Variants in MLIP observed in about 807,000 individuals in gnomAD.
MLIP encodes the protein muscular LMNA interacting protein.
Under a neutral mutation model 84.8 loss-of-function variants are expected in MLIP, and 79 were observed. That is an observed-to-expected ratio of 0.93 (90% CI 0.78 to 1.12). The LOEUF is 1.12. Among genes scored for constraint, MLIP ranks in the 50% most tolerant of loss-of-function variants. The probability of loss-of-function intolerance (pLI) is 0.00; values close to 1 mark genes in which losing one functional copy is unlikely to be tolerated. For synonymous variants in MLIP, 504 were observed against 463.0 expected (o/e 1.09, Z -1.14); for missense variants, 1,257 against 1,160.6 (o/e 1.08, Z -1.21).
chr6:54,027,374 TACACACACACACACACACACACAC>T (rs70980886), intron 1 of MLIP, among the ~76,000 whole-genome samples: 49 of 148,618 alleles, frequency 3.3e-4, no homozygotes, highest in Middle Eastern at 3.5e-3. Context: ...ATAAAAAAAA[TACACACACACACACACACACACAC>T]ACACACACAC....
At chr6:54,062,142 A>G (rs998696345) in intron 1 of MLIP, among the ~76,000 whole-genome samples, 2 of 152,222 alleles carry the variant, frequency 1.3e-5, no homozygotes, top group Non-Finnish European at 2.9e-5. Context: ...GACAGTGCGA[A>G]GAGGGATCAG....
At chr6:54,066,046 G>A (rs1489002806) in intron 1 of MLIP, among the ~76,000 whole-genome samples, 3 of 98,664 alleles carry the variant, frequency 3.0e-5, no homozygotes, top group South Asian at 7.1e-4. Flanking sequence ...TATCTTAGGT[G>A]TAGAATCACA....
chr6:54,158,584 T>A lies in MLIP; in HGVS notation c.2290-1783T>A, dbSNP rs1340661. Among the ~76,000 whole-genome samples, 3 of 151,918 alleles carry A rather than the reference T, an allele frequency of 2.0e-5. No homozygotes were observed. In the South Asian group the frequency reaches 6.2e-4, roughly 32 times the overall value. Reference sequence around the variant, plus strand: ...CCTGTTGTAAAATACCTATAATCGATGATCAATTTAAAAATGGATTAAAAA... The same window carrying A: ...CCTGTTGTAAAATACCTATAATCGAAGATCAATTTAAAAATGGATTAAAAA... On this transcript the variant is annotated intron_variant, in intron 5 of 13. Coordinates refer to ENST00000502396, the MANE Select transcript of MLIP (RefSeq NM_001281747.2).
chr6:54,130,387 C>T (rs1389921498), intron 3 of MLIP, among the ~76,000 whole-genome samples: 1 of 152,014 alleles, frequency 6.6e-6, no homozygotes, highest in African/African-American at 2.4e-5. Context: ...AATCAGAGGT[C>T]AGAGGCAATG....
chr6:54,164,440 TA>T (rs1774976595), intron 8 of MLIP, among the ~76,000 whole-genome samples: 1 of 152,002 alleles, frequency 6.6e-6, no homozygotes, highest in Non-Finnish European at 1.5e-5. Flanking sequence ...TTGTTGAAGC[TA>T]ACATAGCTTT....
intron 1 of MLIP, among the ~76,000 whole-genome samples, chr6:54,028,192 T>C (rs1241224160): frequency 6.6e-6 from 1 of 152,208 alleles, no homozygotes; most frequent in Admixed American, 6.5e-5. Context: ...ATTTATAACC[T>C]AAAAATTTCT....
chr6:54,086,863 G>T (rs367807404), intron 1 of MLIP, among the ~76,000 whole-genome samples: 1 of 152,092 alleles, frequency 6.6e-6, no homozygotes, highest in Non-Finnish European at 1.5e-5. Context: ...CTCCAAGGAA[G>T]CCTTCTCTGT....
chr6:54,173,085 G>A (rs773379799), intron 9 of MLIP, among the ~76,000 whole-genome samples: 9 of 151,554 alleles, frequency 5.9e-5, no homozygotes, highest in Non-Finnish European at 1.3e-4. Context: ...AATATTTTGA[G>A]CTCTTACCTT....
intron 1 of MLIP, among the ~76,000 whole-genome samples, chr6:54,086,067 G>T (rs614956): frequency 6.6e-6 from 1 of 151,892 alleles, no homozygotes. Context: ...CTGAACTATT[G>T]GTTATTTTCT....
intron 1 of MLIP, among the ~76,000 whole-genome samples, chr6:54,086,302 T>C (rs626274): frequency 0.99 from 150,397 of 152,186 alleles, 74,337 homozygotes; most frequent in East Asian, 1. Flanking sequence ...TCAGCATATT[T>C]ACTTGAATGT....
intron 5 of MLIP, among the ~76,000 whole-genome samples, chr6:54,151,143 G>A (rs1471349478): frequency 6.6e-6 from 1 of 152,022 alleles, no homozygotes; most frequent in African/African-American, 2.4e-5. Context: ...CTTATTCAAA[G>A]GTCTCAGATG....
intron 1 of MLIP, among the ~76,000 whole-genome samples, chr6:54,071,192 T>C (rs1310752025): frequency 6.6e-6 from 1 of 152,116 alleles, no homozygotes; most frequent in African/African-American, 2.4e-5. Flanking sequence ...AAATATCAAC[T>C]ACTGTATGGT....
chr6:54,246,407 A>G (rs1466197463), intron 12 of MLIP, among the ~76,000 whole-genome samples: 1 of 151,936 alleles, frequency 6.6e-6, no homozygotes, highest in Admixed American at 6.6e-5. Flanking sequence ...CCCTTATAGC[A>G]TTTCTTCTTG....
At chr6:54,107,693 T>A (rs879811000), upstream of MLIP, among the ~76,000 whole-genome samples, 1 of 152,214 alleles carries the variant, frequency 6.6e-6, no homozygotes, top group Non-Finnish European at 1.5e-5. Flanking sequence ...CTTCATTCAC[T>A]GCTCCCGTCA....
In MLIP at chr6:54,146,423, C is replaced by T. The variant is rs149421471; in HGVS notation, c.2218-2633C>T. Among the ~76,000 whole-genome samples, 94 of 152,246 alleles carry T rather than the reference C, an allele frequency of 6.2e-4. 1 individual carries two copies. Among genetic ancestry groups the T allele is most frequent in the African/African-American group, 2.1e-3 (86 of 41,558 alleles). On this transcript the variant is annotated intron_variant, in intron 4 of 13. Coordinates refer to ENST00000502396, the MANE Select transcript of MLIP (RefSeq NM_001281747.2). ...GAGCAATGAGGGTAGTGGAATTCTT[C>T]ACTTGAGTATCAGGGAGTTGGTGAA...
chr6:54,124,828 T>G lies in MLIP; in HGVS notation c.608T>G (p.Met203Arg). ...CTCAAGACCTCATCACATCCTGAAA[T>G]GCTTCATGGGATGGCCCCTCAGCAA... ...TDLKTSSHPE[M>R]LHGMAPQQKH... Residue 203 changes from methionine (M) to arginine (R), a missense_variant, in exon 3 of 14, where the codon ATG becomes AGG. Transcript: ENST00000502396. The G allele has an allele frequency of 6.2e-7, 1 of 1,608,108 alleles. No individual in the cohort carries two copies. Among genetic ancestry groups the G allele is most frequent in the Non-Finnish European group, 8.5e-7 (1 of 1,176,958 alleles).
At chr6:54,092,826 T>C (rs1286549775) in intron 1 of MLIP, among the ~76,000 whole-genome samples, 2 of 152,100 alleles carry the variant, frequency 1.3e-5, no homozygotes, top group East Asian at 1.9e-4. Flanking sequence ...AGTGTGTGAT[T>C]TGAGTGGTTT....
intron 10 of MLIP, 27 bp from the exon 11 acceptor site, chr6:54,202,078 T>A (rs761579459): frequency 3.4e-6 from 5 of 1,460,938 alleles, no homozygotes; most frequent in African/African-American, 1.4e-5. Flanking sequence ...TTCCTGTTTT[T>A]AAAATATTTA....
At position 54,217,724 on chromosome 6, in the gene MLIP, G is replaced by A. The variant is rs1042308732; in HGVS notation, c.2719-12990G>A. The A allele has an allele frequency of 2.7e-5, 27 of 984,766 alleles. No individual in the cohort carries two copies. In the South Asian group the frequency reaches 5.6e-4, roughly 21 times the overall value. The allele number at this position is 984,766 out of a possible 1,614,324, so 61.0% of individuals were successfully genotyped here. ...GACAATTCTCAAGTGACTAAAAAGC[G>A]GTTTAAAGCATTTTATCAGAAATAA... On this transcript the variant is annotated intron_variant, in intron 11 of 13. Transcript: ENST00000502396.
Sources: gnomAD v4.1 joint callset for allele counts (sites outside exome capture counted in the v4.1 genomes callset) on GRCh38, gnomAD v4.1.1 for gene constraint, MANE v1.5 for transcripts, NCBI Gene and HGNC (gene_info 2026-07-23, HGNC 2026-07-21) for gene names.